Variants in MYH14 observed in about 807,000 individuals in gnomAD.
The protein encoded by MYH14 is myosin-14.
In MYH14, 123 loss-of-function variants were observed where a neutral mutation model predicts 255.5. The observed-to-expected ratio is 0.48, with a 90% CI of 0.42 to 0.56. The LOEUF (loss-of-function observed/expected upper bound fraction) is 0.56, where lower values mean the gene tolerates loss of function less well. Among genes scored for constraint, MYH14 ranks in the 20% least tolerant of loss-of-function variants. The probability of loss-of-function intolerance (pLI) is 0.00; values close to 1 mark genes in which losing one functional copy is unlikely to be tolerated. For synonymous variants in MYH14, 1,095 were observed against 1,161.2 expected (o/e 0.94, Z 1.16); for missense variants, 2,423 against 2,802.3 (o/e 0.86, Z 3.06).
At chr19:50,244,909 C>A (rs1042450978) in intron 11 of MYH14, among the ~76,000 whole-genome samples, 1 of 152,192 alleles carries the variant, frequency 6.6e-6, no homozygotes, top group Admixed American at 6.5e-5. Flanking sequence ...AGGAGCCCAT[C>A]CTCCCAGACC....
At chr19:50,282,052 G>A (rs1476029527) in intron 33 of MYH14, among the ~76,000 whole-genome samples, 4 of 152,150 alleles carry the variant, frequency 2.6e-5, no homozygotes, top group African/African-American at 9.7e-5. Flanking sequence ...ATAATTCCTC[G>A]TAGCACCCAC....
At chr19:50,246,103 C>CCTTCCTTT (rs1568493701) in intron 11 of MYH14, among the ~76,000 whole-genome samples, 3 of 67,046 alleles carry the variant, frequency 4.5e-5, no homozygotes, top group Non-Finnish European at 1.1e-4. Context: ...TCCCTCCCTC[C>CCTTCCTTT]CTTCCTTTCT....
At chr19:50,298,622 G>A (rs1410743746) in intron 39 of MYH14, among the ~76,000 whole-genome samples, 2 of 151,794 alleles carry the variant, frequency 1.3e-5, no homozygotes, top group Non-Finnish European at 2.9e-5. Context: ...GTGGTGGCGG[G>A]TGCCTGTAGT....
intron 39 of MYH14, among the ~76,000 whole-genome samples, chr19:50,294,458 G>A (rs2036194211): frequency 6.9e-6 from 1 of 144,992 alleles, no homozygotes; most frequent in African/African-American, 2.6e-5. Context: ...TTTTTGAGGT[G>A]GAGTCTCCCT....
chr19:50,297,742 C>T (rs989358294), intron 39 of MYH14, among the ~76,000 whole-genome samples: 3 of 151,540 alleles, frequency 2.0e-5, no homozygotes, highest in East Asian at 2.0e-4. Flanking sequence ...TCAGGTGATC[C>T]GCTGCCTCAG....
intron 9 of MYH14, among the ~76,000 whole-genome samples, chr19:50,231,555 C>T (rs187823135): frequency 1.9e-4 from 29 of 151,722 alleles, no homozygotes; most frequent in Non-Finnish European, 3.7e-4. Context: ...TAAATAATAA[C>T]AATAATAATA....
chr19:50,295,377 C>G (rs1234606149), intron 39 of MYH14, among the ~76,000 whole-genome samples: 1 of 152,044 alleles, frequency 6.6e-6, no homozygotes, highest in African/African-American at 2.4e-5. Context: ...TATGGTGGCT[C>G]ATGCCTGTAA....
rs71909574 is a variant in MYH14 at position 50,291,212 on chromosome 19, CCTT to C, written c.5127+173_5127+175del. On this transcript the variant is annotated intron_variant, in intron 36 of 42. Coordinates refer to ENST00000642316, the MANE Select transcript of MYH14 (RefSeq NM_001145809.2). ...ACATCCATGCCCCAGAGGCTGGCTT[CCTT>C]CTTCTTCTATTTTACATTTCTTTCA... Among the ~76,000 whole-genome samples, 1,393 of 152,236 alleles carry C rather than the reference CCTT, an allele frequency of 9.2e-3. 19 individuals are homozygous for C. Among genetic ancestry groups the C allele is most frequent in the African/African-American group, 0.032 (1,312 of 41,546 alleles).
At chr19:50,289,029 A>G (rs2035980632) in intron 34 of MYH14, among the ~76,000 whole-genome samples, 1 of 145,446 alleles carries the variant, frequency 6.9e-6, no homozygotes, top group Non-Finnish European at 1.5e-5. Context: ...AAACACCAGC[A>G]CTGATGACCC....
At chr19:50,306,967 T>G in intron 40 of MYH14, 82 bp from the exon 41 acceptor site, 2 of 995,032 alleles carry the variant, frequency 2.0e-6, no homozygotes, top group African/African-American at 3.2e-5. Context: ...AAGAACAAGG[T>G]GACAGCCACT....
chr19:50,304,415 C>A (rs2036589638), intron 40 of MYH14, among the ~76,000 whole-genome samples: 1 of 152,152 alleles, frequency 6.6e-6, no homozygotes, highest in African/African-American at 2.4e-5. Context: ...CCTGATGAAA[C>A]CCCGTCTCTA....
chr19:50,245,622 C>A (rs1205109811), intron 11 of MYH14, among the ~76,000 whole-genome samples: 1 of 152,082 alleles, frequency 6.6e-6, no homozygotes, highest in African/African-American at 2.4e-5. Context: ...CCCCTCTTCC[C>A]CTGGAGACAG....
intron 32 of MYH14, among the ~76,000 whole-genome samples, chr19:50,281,068 G>A (rs187524868): frequency 1.5e-3 from 230 of 152,228 alleles, no homozygotes; most frequent in African/African-American, 4.7e-3. Context: ...TTAGATCCAG[G>A]TCTGTAGCAC....
chr19:50,216,250 A>T (rs904249486), intron 2 of MYH14, among the ~76,000 whole-genome samples: 2 of 152,192 alleles, frequency 1.3e-5, no homozygotes, highest in Middle Eastern at 3.4e-3. Flanking sequence ...CGAGGTGGGC[A>T]GATCACTTGA....
chr19:50,210,232 C>T (rs2032097594), intron 1 of MYH14, 131 bp from the exon 2 acceptor site: 1 of 771,676 alleles, frequency 1.3e-6, no homozygotes, highest in Admixed American at 3.7e-5. Flanking sequence ...TGTTAACCCA[C>T]TTTGCAGAAG....
chr19:50,233,619 C>A (rs1056584421), intron 10 of MYH14, among the ~76,000 whole-genome samples: 1 of 152,106 alleles, frequency 6.6e-6, no homozygotes, highest in Non-Finnish European at 1.5e-5. Context: ...GCCAGACGCC[C>A]GGGATCGTGG....
rs752091158 is a variant in MYH14 at position 50,263,315 on chromosome 19, C to T, written c.2589C>T (p.Ala863=). 7.0e-5 allele frequency: 109 copies of T among 1,549,424 alleles called. No homozygotes were observed. The highest frequency in any genetic ancestry group is 9.5e-5 in the Non-Finnish European group (109 of 1,145,624). Residue 863 remains alanine, a synonymous_variant, in exon 22 of 43, where the codon GCC becomes GCT. Coordinates refer to ENST00000642316, the MANE Select transcript of MYH14 (RefSeq NM_001145809.2). ...CCTCACCCATTTCCCCACCCAGGGC[C>T]TTCCAGAAGCGCCAGCAGCAGCAGA... ...AAARGYLARR[A]FQKRQQQQSA... is the part of the protein sequence containing the mutation.
rs1231595661 is a variant in MYH14 at position 50,280,126 on chromosome 19, G to C, written c.4122G>C (p.Gln1374His). The change falls in exon 31 of 43, where the codon CAG becomes CAC. Residue 1374 changes from glutamine (Q) to histidine (H), a missense_variant. By Grantham distance (24) the Gln-to-His change is conservative. Transcript: ENST00000642316. The surrounding 1 kb of genome is among the most constrained non-coding windows in gnomAD (Gnocchi z 4.8). ...LSKELSSTEA[Q>H]LHDAQELLQE... is the part of the protein sequence containing the mutation. ...AGGAGCTGAGCAGCACAGAAGCCCA[G>C]CTGCACGATGCCCAGGTGACCCTGC... The C allele has an allele frequency of 8.1e-6, 13 of 1,604,618 alleles. No individual in the cohort carries two copies. Among genetic ancestry groups the C allele is most frequent in the Non-Finnish European group, 1.1e-5 (13 of 1,175,878 alleles).
In MYH14 at chr19:50,217,756, C is replaced by T. The variant is rs765339939; in HGVS notation, c.547C>T (p.Arg183Trp). The change falls in exon 3 of 43, where the codon CGG (arginine) becomes TGG (tryptophan). Residue 183 changes from arginine (R) to tryptophan (W), a missense_variant. By Grantham distance (101) the Arg-to-Trp change is moderately radical. Transcript: ENST00000642316. ...GTACGCAGTGACCGAGGGGGCCTAT[C>T]GGAGCATGCTGCAGGGTGAGTGCTG... is the stretch of plus-strand genomic sequence containing the variant. Reference protein sequence around the residue: ...HVYAVTEGAYRSMLQDREDQS... With the variant: ...HVYAVTEGAYWSMLQDREDQS... 21 of 1,613,592 alleles carry T rather than the reference C, an allele frequency of 1.3e-5. No homozygotes were observed. Among genetic ancestry groups the T allele is most frequent in the South Asian group, 6.6e-5 (6 of 91,082 alleles).
Sources: gnomAD v4.1 joint callset for allele counts (sites outside exome capture counted in the v4.1 genomes callset) on GRCh38, gnomAD v4.1.1 for gene constraint, Gnocchi (gnomAD v3.1) non-coding constraint, MANE v1.5 for transcripts, NCBI Gene and HGNC (gene_info 2026-07-23, HGNC 2026-07-21) for gene names.